ZNF697: variants seen among roughly 807,000 people sequenced by gnomAD.
ZNF697 encodes zinc finger protein 697.
A neutral mutation model predicts 32.4 loss-of-function variants in ZNF697; 23 were observed. The ratio of observed to expected loss-of-function variants is 0.71; its 90% CI spans 0.51 to 1.01. The LOEUF (loss-of-function observed/expected upper bound fraction) is 1.01, where lower values mean the gene tolerates loss of function less well. Among genes scored for constraint, ZNF697 ranks in the 50% least tolerant of loss-of-function variants. ZNF697 has a pLI of 0.00. For missense variants in ZNF697, 930 were observed against 794.0 expected (o/e 1.17, Z -2.06); for synonymous variants, 418 against 337.2 (o/e 1.24, Z -2.62).
chr1:119,644,465 G>C (rs1299980815), intron 1 of ZNF697, among the ~76,000 whole-genome samples: 1 of 152,184 alleles, frequency 6.6e-6, no homozygotes, highest in Admixed American at 6.5e-5. Flanking sequence ...GACTTCAGGA[G>C]AAGAAGGAAT....
In ZNF697 at chr1:119,623,633, A is replaced by G. The variant is rs1458945977; in HGVS notation, c.710T>C (p.Met237Thr). The G allele has an allele frequency of 6.9e-7, 1 of 1,456,504 alleles. No individual in the cohort carries two copies. Among genetic ancestry groups the G allele is most frequent in the East Asian group, 2.7e-5 (1 of 36,374 alleles). The allele number at this position is 1,456,504 out of a possible 1,614,324, so 90.2% of individuals were successfully genotyped here. The change falls in exon 3 of 3, where the codon ATG becomes ACG. Residue 237 changes from methionine (M) to threonine (T), a missense_variant. Physicochemically the swap from Met to Thr is moderately conservative, Grantham distance 81. Transcript: ENST00000421812. Reference protein sequence around the residue: ...LAGECDAMVGMMGVGVAGGFG... With the variant: ...LAGECDAMVGTMGVGVAGGFG... ...GCCCCCCGCCACACCCACCCCCATCATGCCCACCATCGCGTCGCACTCGCC... is the reference window on the plus strand; with the variant it reads ...GCCCCCCGCCACACCCACCCCCATCGTGCCCACCATCGCGTCGCACTCGCC...
At chr1:119,643,484 G>C (rs778150863) in intron 1 of ZNF697, among the ~76,000 whole-genome samples, 10 of 152,188 alleles carry the variant, frequency 6.6e-5, no homozygotes, top group Non-Finnish European at 1.2e-4. Context: ...TCTAGTGATA[G>C]GTGAAACTCT....
intron 1 of ZNF697, among the ~76,000 whole-genome samples, chr1:119,646,454 G>C (rs1365456201): frequency 1.3e-5 from 2 of 151,392 alleles, no homozygotes; most frequent in African/African-American, 4.9e-5. Flanking sequence ...TAAACAACTC[G>C]GTTTTTTTTC....
chr1:119,629,249 A>G (rs1400444378), intron 1 of ZNF697, among the ~76,000 whole-genome samples: 3 of 152,242 alleles, frequency 2.0e-5, no homozygotes, highest in Non-Finnish European at 4.4e-5. Context: ...TAAACCTGCA[A>G]TTACTCTAGA....
intron 1 of ZNF697, among the ~76,000 whole-genome samples, chr1:119,641,466 A>T (rs116827389): frequency 0.021 from 3,255 of 152,302 alleles, 106 homozygotes; most frequent in African/African-American, 0.076. Flanking sequence ...AAGGCTGTTA[A>T]CCAAGATATA....
chr1:119,624,230 C>T, intron 2 of ZNF697, 114 bp from the exon 3 acceptor site: 1 of 1,287,768 alleles, frequency 7.8e-7, no homozygotes, highest in Non-Finnish European at 1.0e-6. Context: ...ACTCTGGATC[C>T]CTGCCCCTCC....
intron 2 of ZNF697, 100 bp from the exon 3 acceptor site, chr1:119,624,216 A>C (rs2101079540): frequency 2.2e-6 from 3 of 1,379,016 alleles, no homozygotes. Context: ...CCCCTCCCTC[A>C]GGCACTCTGG....
chr1:119,623,979 C>CGTCGTCGT lies in ZNF697; in HGVS notation c.356_363dup (p.Glu122ThrfsTer119). The CGTCGTCGT allele has an allele frequency of 1.2e-6, 2 of 1,610,244 alleles. No homozygotes were observed. Among genetic ancestry groups the CGTCGTCGT allele is most frequent in the Non-Finnish European group, 1.7e-6 (2 of 1,178,378 alleles). ...TCCAGCCGGTTCTCCCCAGCACTCT[C>CGTCGTCGT]GTCGTCGTCCTCCCGGAGGCTCCGG... On this transcript the variant is annotated frameshift_variant, in exon 3 of 3. Transcript: ENST00000421812. LOFTEE classifies it high-confidence loss of function.
rs1335460062 is a variant in ZNF697, at chr1:119,623,487, C to G, written c.856G>C (p.Glu286Gln). The change falls in exon 3 of 3, where the codon GAG (glutamate) becomes CAG (glutamine). Residue 286 changes from glutamate (E) to glutamine (Q), a missense_variant. Physicochemically the swap from Glu to Gln is conservative, Grantham distance 29. Transcript: ENST00000421812. ...LTNHLRLHTG[E>Q]RPNLCADCGK... ...CAGTCGGCGCACAGGTTGGGCCGCT[C>G]GCCCGTGTGCAGGCGCAGGTGGTTG... The G allele has an allele frequency of 6.4e-7, 1 of 1,569,670 alleles. No individual in the cohort carries two copies. The highest frequency in any genetic ancestry group is 8.6e-7 in the Non-Finnish European group (1 of 1,159,234).
chr1:119,629,107 C>G (rs1009103923), intron 1 of ZNF697, among the ~76,000 whole-genome samples: 3 of 152,164 alleles, frequency 2.0e-5, no homozygotes, highest in African/African-American at 4.8e-5. Context: ...AGTCTAGCTC[C>G]CGTACACACA....
At chr1:119,637,121 T>C (rs1274937647) in intron 1 of ZNF697, among the ~76,000 whole-genome samples, 2 of 152,224 alleles carry the variant, frequency 1.3e-5, no homozygotes, top group African/African-American at 4.8e-5. Flanking sequence ...GACAAAGTCA[T>C]CAACTCTTTC....
In ZNF697 at chr1:119,622,502, G is replaced by A. The variant is rs3795661; in HGVS notation, c.*203C>T. 355,950 of 962,814 alleles carry A rather than the reference G, an allele frequency of 0.37. 70,182 individuals are homozygous for A. The highest frequency in any genetic ancestry group is 0.62 in the African/African-American group (37,106 of 60,138). The allele number at this position is 962,814 out of a possible 1,614,324, so 59.6% of individuals were successfully genotyped here. A position where few individuals can be genotyped will look rare whatever the true frequency, so the allele number is the denominator to read the frequency against. On this transcript the variant is annotated 3_prime_UTR_variant, in exon 3 of 3. Transcript: ENST00000421812. ...AGCGCATCTCCTGAACAATTCTTCC[G>A]TGGAGAGGAGGCAAGTATAGCACCG... is the stretch of plus-strand genomic sequence containing the variant.
rs780716419 is a variant in ZNF697, at chr1:119,623,277, C to A, written c.1066G>T (p.Gly356Trp). Residue 356 changes from glycine (G) to tryptophan (W), a missense_variant, in exon 3 of 3, where the codon GGG (glycine) becomes TGG (tryptophan). Physicochemically the swap from Gly to Trp is radical, Grantham distance 184 (BLOSUM62 -2). Coordinates refer to ENST00000421812, the MANE Select transcript of ZNF697 (RefSeq NM_001080470.2). ...GAAALRPFAC[G>W]ECGKGFVRRS... ...CGCACGAAGCCCTTGCCGCACTCCC[C>A]GCAGGCGAAGGGCCGCAGCGCCGCC... 22 of 1,496,668 alleles carry A rather than the reference C, an allele frequency of 1.5e-5. No homozygotes were observed. The African/African-American group carries it at 2.3e-4, about 15-fold the overall frequency. 92.7% of individuals were successfully genotyped at this position (1,496,668 alleles called of 1,614,324 possible).
At position 119,623,537 on chromosome 1, in the gene ZNF697, C is replaced by A. The variant is rs753332159; in HGVS notation, c.806G>T (p.Gly269Val). 6 of 1,550,224 alleles carry A rather than the reference C, an allele frequency of 3.9e-6. No individual in the cohort carries two copies. The South Asian group carries it at 7.1e-5, about 18-fold the overall frequency. ...KPFRCGECGK[G>V]FSRNTYLTNH... Reference sequence around the variant, plus strand: ...GGTCAGGTAGGTGTTGCGGCTGAAGCCCTTGCCGCACTCCCCGCAGCGGAA... The same window carrying A: ...GGTCAGGTAGGTGTTGCGGCTGAAGACCTTGCCGCACTCCCCGCAGCGGAA... The change falls in exon 3 of 3, where the codon GGC (glycine) becomes GTC (valine). Residue 269 changes from glycine (G) to valine (V), a missense_variant. Coordinates refer to ENST00000421812, the MANE Select transcript of ZNF697 (RefSeq NM_001080470.2).
chr1:119,623,336 C>T lies in ZNF697; in HGVS notation c.1007G>A (p.Arg336Gln), dbSNP rs1364811190. 139 of 1,354,064 alleles carry T rather than the reference C, an allele frequency of 1.0e-4. No homozygotes were observed. The highest frequency in any genetic ancestry group is 1.2e-4 in the Non-Finnish European group (129 of 1,058,418). 83.9% of individuals were successfully genotyped at this position (1,354,064 alleles called of 1,614,324 possible). The change falls in exon 3 of 3, where the codon CGG (arginine) becomes CAG (glutamine). Residue 336 changes from arginine (R) to glutamine (Q), a missense_variant. Transcript: ENST00000421812. ...FSLSSHLLSH[R>Q]RAHAAASGAG... ...GCCGCTGGCCGCCGCGTGCGCGCGC[C>T]GGTGGCTCAACAGATGCGAGCTGAG...
chr1:119,625,573 A>AT (rs1180634106), intron 2 of ZNF697, among the ~76,000 whole-genome samples: 1 of 152,218 alleles, frequency 6.6e-6, no homozygotes, highest in Non-Finnish European at 1.5e-5. Context: ...GGTAGATTCT[A>AT]TTACTAGCTG....
intron 2 of ZNF697, among the ~76,000 whole-genome samples, chr1:119,625,578 T>C (rs892227916): frequency 6.6e-6 from 1 of 152,230 alleles, no homozygotes; most frequent in Non-Finnish European, 1.5e-5. Context: ...ATTCTATTAC[T>C]AGCTGGGTAA....
At chr1:119,626,835 G>C (rs1238659124) in intron 1 of ZNF697, among the ~76,000 whole-genome samples, 1 of 152,102 alleles carries the variant, frequency 6.6e-6, no homozygotes, top group Non-Finnish European at 1.5e-5. Context: ...AAGAAAAAGA[G>C]GTACAGGGGA....
Position 119,625,893 on chromosome 1 carries a change from C to T in ZNF697, c.208G>A (p.Val70Met). ...TCCTCACCTGTGCAGATGTCGGGCA[C>T]TGCTTCCCTGTGCCTTGAGTCCTGT... is the stretch of plus-strand genomic sequence containing the variant. The part of the protein sequence containing the change: ...NPQDSRHREA[V>M]PDICTEGQLS... The change falls in exon 2 of 3, where the codon GTG becomes ATG. Residue 70 changes from valine (V) to methionine (M), a missense_variant. Coordinates refer to ENST00000421812, the MANE Select transcript of ZNF697 (RefSeq NM_001080470.2). 1 of 1,613,700 alleles carries T rather than the reference C, an allele frequency of 6.2e-7. No individual in the cohort carries two copies. Among genetic ancestry groups the T allele is most frequent in the Non-Finnish European group, 8.5e-7 (1 of 1,179,788 alleles).
Sources: gnomAD v4.1 joint callset for allele counts (sites outside exome capture counted in the v4.1 genomes callset) on GRCh38, gnomAD v4.1.1 for gene constraint, MANE v1.5 for transcripts, NCBI Gene and HGNC (gene_info 2026-07-23, HGNC 2026-07-21) for gene names.